Variants in IDH3G observed in about 807,000 individuals in gnomAD.
IDH3G encodes the protein isocitrate dehydrogenase [NAD] subunit gamma, mitochondrial.
IDH3G carries 9 observed loss-of-function variants against 26.9 expected under a neutral mutation model. The observed-to-expected ratio is 0.34, with a 90% CI of 0.20 to 0.58. The LOEUF is 0.58. Among genes scored for constraint, IDH3G ranks in the 20% least tolerant of loss-of-function variants. The pLI is 0.85. For synonymous variants in IDH3G, 181 were observed against 160.0 expected (o/e 1.13, Z -0.99); for missense variants, 250 against 372.8 (o/e 0.67, Z 2.71).
chrX:153,791,933 C>T (rs781985891), intron 1 of IDH3G, among the ~76,000 whole-genome samples: 12 of 112,492 alleles, frequency 1.1e-4, no homozygotes, highest in African/African-American at 3.9e-4. Flanking sequence ...AGCACAGGCA[C>T]GGTCGGGACT....
chrX:153,786,429 C>T lies in IDH3G; in HGVS notation c.945G>A (p.Lys315=). 1 of 1,194,701 alleles carries T rather than the reference C, an allele frequency of 8.4e-7. No individual in the cohort carries two copies. The part of the protein sequence containing the change: ...VFETATRNTG[K]SIANKNIANP... ...TGGCGATGTTCTTATTGGCGATACT[C>T]TTGCCGGTGTTCCTCGTAGCCTGGG... The change falls in exon 11 of 13, where the codon AAG becomes AAA. Residue 315 remains lysine (K), a synonymous_variant. Transcript: ENST00000217901.
chrX:153,794,357 A>G lies in IDH3G; in HGVS notation c.-31T>C, dbSNP rs1464271234. On this transcript the variant is annotated 5_prime_UTR_variant, in exon 1 of 13. Coordinates refer to ENST00000217901, the MANE Select transcript of IDH3G (RefSeq NM_004135.4). ...AAAGTGAGAGCCTCCGCACGTCCCGACACGCAGATACCGCTCTCGCGAGAG... is the reference window on the plus strand; with the variant it reads ...AAAGTGAGAGCCTCCGCACGTCCCGGCACGCAGATACCGCTCTCGCGAGAG... 3 of 1,175,003 alleles carry G rather than the reference A, an allele frequency of 2.6e-6. No individual in the cohort carries two copies. Among genetic ancestry groups the G allele is most frequent in the Non-Finnish European group, 3.4e-6 (3 of 876,121 alleles).
intron 1 of IDH3G, among the ~76,000 whole-genome samples, chrX:153,793,226 A>T (rs1372562652): frequency 4.5e-5 from 5 of 111,764 alleles, no homozygotes; most frequent in Non-Finnish European, 9.4e-5. Context: ...ACAGGAGCCC[A>T]GTTGCTGGAG....
chrX:153,790,467 C>T, intron 3 of IDH3G, 97 bp downstream of exon 3: 1 of 1,003,740 alleles, frequency 1.0e-6, no homozygotes, highest in African/African-American at 1.9e-5. Context: ...TCATCCAGGG[C>T]TCCTGGGTCA....
rs1557069192 is a variant in IDH3G at position 153,786,419 on chromosome X, T to C, written c.955A>G (p.Asn319Asp). The C allele has an allele frequency of 2.5e-6, 3 of 1,200,221 alleles. No individual in the cohort carries two copies. The South Asian group carries it at 5.4e-5, about 22-fold the overall frequency. Residue 319 changes from asparagine (N) to aspartate (D), a missense_variant, in exon 11 of 13, where the codon AAT (asparagine) becomes GAT (aspartate). By Grantham distance (23) the Asn-to-Asp change is conservative (BLOSUM62 1). Around this residue, in one of 2 missense-constraint regions of IDH3G, gnomAD observed 201 missense variants for 331.3 expected, o/e 0.61. Coordinates refer to ENST00000217901, the MANE Select transcript of IDH3G (RefSeq NM_004135.4). ...GCCGTGGGGTTGGCGATGTTCTTAT[T>C]GGCGATACTCTTGCCGGTGTTCCTC... ...ATRNTGKSIA[N>D]KNIANPTATL...
chrX:153,787,024 G>A (rs1557069343), intron 9 of IDH3G, 27 bp downstream of exon 9: 2 of 1,194,118 alleles, frequency 1.7e-6, no homozygotes, highest in South Asian at 1.8e-5. Context: ...ACTCAGGGCA[G>A]GGGGACAGCA....
At chrX:153,786,316 G>A (rs1557069159) in intron 11 of IDH3G, 39 bp downstream of exon 11, 1 of 1,201,850 alleles carries the variant, frequency 8.3e-7, no homozygotes, top group Non-Finnish European at 1.1e-6. Flanking sequence ...GGGCCCGGAG[G>A]GCTGGCCAGG....
chrX:153,786,176 G>A lies in IDH3G; in HGVS notation c.1080+36C>T, dbSNP rs182483462. The A allele has an allele frequency of 7.5e-6, 9 of 1,206,246 alleles. No individual in the cohort carries two copies. The East Asian group carries it at 2.1e-4, about 28-fold the overall frequency. ...ACAGGAGGCTGCAGGGGGAGACTGG[G>A]CGGGGCAGCAGGGTAGGGTGCGAGG... On this transcript the variant is annotated intron_variant, in intron 12 of 12. Transcript: ENST00000217901.
intron 3 of IDH3G, 87 bp downstream of exon 3, chrX:153,790,477 A>G: frequency 9.7e-7 from 1 of 1,028,081 alleles, no homozygotes; most frequent in South Asian, 2.0e-5. Flanking sequence ...CTCCTGGGTC[A>G]GCAGCAGCCC....
chrX:153,785,889 G>A lies in IDH3G; in HGVS notation c.1165C>T (p.Arg389Trp), dbSNP rs199721612. Residue 389 changes from arginine (R) to tryptophan (W), a missense_variant, in exon 13 of 13, where the codon CGG becomes TGG. By Grantham distance (101) the Arg-to-Trp change is moderately radical (BLOSUM62 -3). Transcript: ENST00000217901. The stretch of plus-strand genomic sequence containing the variant: ...GGGCCAGCCTAGGCCTCCACGGCCC[G>A]GCCGTTGATGACGCGGATGTGGCGG... ...VIRHIRVING[R>W]AVEA is the part of the protein sequence containing the mutation. 7.7e-5 allele frequency: 93 copies of A among 1,209,980 alleles called. No individual in the cohort carries two copies. In the East Asian group the frequency reaches 1.7e-3, roughly 23 times the overall value.
chrX:153,787,284 A>G, intron 8 of IDH3G, 131 bp from the exon 9 acceptor site: 1 of 760,928 alleles, frequency 1.3e-6, no homozygotes, highest in Admixed American at 2.7e-5. Flanking sequence ...AAATGGACAG[A>G]ATCCCACCCC....
chrX:153,793,081 A>C (rs782499211), intron 1 of IDH3G, among the ~76,000 whole-genome samples: 2 of 111,584 alleles, frequency 1.8e-5, no homozygotes, highest in African/African-American at 6.5e-5. Context: ...TCTCACACCC[A>C]GGACGGTCAG....
At chrX:153,790,040 T>C in intron 4 of IDH3G, 155 bp downstream of exon 4, 1 of 505,730 alleles carries the variant, frequency 2.0e-6, no homozygotes, top group Non-Finnish European at 3.4e-6. Context: ...CCCAGGCCAG[T>C]CTGGCGGGAT....
rs368952926 is a variant in IDH3G, at chrX:153,790,233, G to A, written c.195C>T (p.Ile65=). The change falls in exon 4 of 13, where the codon ATC becomes ATT. Residue 65 remains isoleucine (I), a synonymous_variant. Coordinates refer to ENST00000217901, the MANE Select transcript of IDH3G (RefSeq NM_004135.4). ...HTVTMIPGDG[I]GPELMLHVKS... is the part of the protein sequence containing the mutation. Reference sequence around the variant, plus strand: ...TGACATGCAGCATGAGCTCTGGCCCGATGCCATCCCCTGGGATCATGGTCA... The same window carrying A: ...TGACATGCAGCATGAGCTCTGGCCCAATGCCATCCCCTGGGATCATGGTCA... 7.4e-6 allele frequency: 9 copies of A among 1,209,803 alleles called. No homozygotes were observed. The highest frequency in any genetic ancestry group is 5.9e-5 in the East Asian group (2 of 33,789).
intron 5 of IDH3G, chrX:153,789,336 G>T (rs1418348495): frequency 3.5e-6 from 1 of 284,465 alleles, no homozygotes; most frequent in Non-Finnish European, 6.9e-6. Flanking sequence ...ACGAGGTCAG[G>T]AGTTCAAGAC....
At chrX:153,790,489 C>A in intron 3 of IDH3G, 75 bp downstream of exon 3, 1 of 1,077,036 alleles carries the variant, frequency 9.3e-7, no homozygotes, top group Non-Finnish European at 1.3e-6. Flanking sequence ...CAGCAGCCCA[C>A]CCCCACCTGG....
chrX:153,794,194 C>A (rs2092122857), intron 1 of IDH3G, 52 bp downstream of exon 1: 1 of 1,130,864 alleles, frequency 8.8e-7, no homozygotes, highest in Admixed American at 2.6e-5. Context: ...GCGGCTACCC[C>A]ACCGCTCCCC....
At position 153,787,606 on chromosome X, in the gene IDH3G, G is replaced by T. The variant is rs1557069514; in HGVS notation, c.541-9C>A. 8.3e-7 allele frequency: 1 copy of T among 1,209,440 alleles called. No homozygotes were observed. The highest frequency in any genetic ancestry group is 1.7e-5 in the African/African-American group (1 of 57,922). ...ACCACTCCCGCCACACTCTGAGGAG[G>T]GCATGGGGAGAAGAGACCCATGTGC... On this transcript the variant is annotated splice_polypyrimidine_tract_variant and intron_variant, in intron 7 of 12. Transcript: ENST00000217901.
intron 3 of IDH3G, 108 bp downstream of exon 3, chrX:153,790,456 C>A: frequency 1.0e-6 from 1 of 965,303 alleles, no homozygotes; most frequent in East Asian, 3.1e-5. Flanking sequence ...GACAGGGCTG[C>A]TCATCCAGGG....
Sources: gnomAD v4.1 joint callset for allele counts (sites outside exome capture counted in the v4.1 genomes callset) on GRCh38, gnomAD v4.1.1 for gene constraint, gnomAD v4.1.1 regional missense constraint, MANE v1.5 for transcripts, NCBI Gene and HGNC (gene_info 2026-07-23, HGNC 2026-07-21) for gene names.